Variants in MOB1B observed in about 807,000 individuals in gnomAD.
MOB1B encodes the protein MOB kinase activator 1B.
MOB1B carries 19 observed loss-of-function variants against 24.4 expected under a neutral mutation model. The ratio of observed to expected loss-of-function variants is 0.78; its 90% CI spans 0.54 to 1.14. The LOEUF is 1.14. Ranked by LOEUF, MOB1B falls within the 50% of genes most tolerant of loss-of-function variation. The pLI is 0.00. For synonymous variants in MOB1B, 76 were observed against 82.1 expected, an observed-to-expected ratio of 0.93 and a Z score of 0.40; for missense variants, 243 against 259.6, an observed-to-expected ratio of 0.94 and a Z score of 0.44.
intron 2 of MOB1B, among the ~76,000 whole-genome samples, chr4:70,962,302 A>G (rs940127996): frequency 2.0e-5 from 3 of 152,238 alleles, no homozygotes; most frequent in African/African-American, 7.2e-5. Flanking sequence ...TGATAACACT[A>G]TTTTGATGTC....
chr4:70,909,325 T>TA (rs34436062), intron 1 of MOB1B, among the ~76,000 whole-genome samples: 1 of 152,008 alleles, frequency 6.6e-6, no homozygotes, highest in South Asian at 2.1e-4. Context: ...GCCTCACCTT[T>TA]AAAAAAAGTT....
At chr4:70,937,773 G>A (rs543195149) in intron 1 of MOB1B, among the ~76,000 whole-genome samples, 1 of 152,206 alleles carries the variant, frequency 6.6e-6, no homozygotes, top group East Asian at 1.9e-4. Flanking sequence ...CCGTCTGCCT[G>A]GCTTGGCCTC....
chr4:70,905,974 G>C (rs1438724746), intron 1 of MOB1B, among the ~76,000 whole-genome samples: 1 of 152,080 alleles, frequency 6.6e-6, no homozygotes, highest in Non-Finnish European at 1.5e-5. Context: ...GGCTGAGGTG[G>C]AAGGGTCATC....
In MOB1B at chr4:70,987,352, T is replaced by G. The variant is rs936180860; in HGVS notation, c.*5295T>G. 6.6e-6 allele frequency: 1 copy of G among 152,036 alleles called. No individual in the cohort carries two copies. Among genetic ancestry groups the G allele is most frequent in the Non-Finnish European group, 1.5e-5 (1 of 67,910 alleles). 9.4% of individuals were successfully genotyped at this position (152,036 alleles called of 1,614,324 possible). A position where few individuals can be genotyped will look rare whatever the true frequency, so the allele number is the denominator to read the frequency against. ...CATCTGATTTAATATTAAATTTGTATAGGTGGGCGTTTCTTACCATTTTGC... is the reference window on the plus strand; with the variant it reads ...CATCTGATTTAATATTAAATTTGTAGAGGTGGGCGTTTCTTACCATTTTGC... On this transcript the variant is annotated 3_prime_UTR_variant, in exon 6 of 6. Transcript: ENST00000309395.
chr4:70,957,399 T>G (rs1738108250), intron 1 of MOB1B, among the ~76,000 whole-genome samples: 1 of 151,742 alleles, frequency 6.6e-6, no homozygotes, highest in Non-Finnish European at 1.5e-5. Context: ...TTGCTAGTAT[T>G]AACAGAAGAT....
intron 1 of MOB1B, among the ~76,000 whole-genome samples, chr4:70,908,176 C>T (rs1225688689): frequency 6.6e-6 from 1 of 151,624 alleles, no homozygotes; most frequent in Non-Finnish European, 1.5e-5. Context: ...CAGGCACCCA[C>T]CACCATGCCC....
chr4:70,938,656 G>C (rs1737191359), intron 1 of MOB1B, among the ~76,000 whole-genome samples: 1 of 151,802 alleles, frequency 6.6e-6, no homozygotes, highest in African/African-American at 2.4e-5. Context: ...TAAAAATCCT[G>C]TTGTATTTTT....
At chr4:70,932,278 A>G (rs770764020) in intron 1 of MOB1B, among the ~76,000 whole-genome samples, 1 of 152,176 alleles carries the variant, frequency 6.6e-6, no homozygotes, top group Non-Finnish European at 1.5e-5. Context: ...TATGATTTGC[A>G]ATCAAAATGA....
chr4:70,974,926 T>A (rs998302757), intron 3 of MOB1B, among the ~76,000 whole-genome samples: 2 of 152,154 alleles, frequency 1.3e-5, no homozygotes, highest in African/African-American at 4.8e-5. Flanking sequence ...AAAATGGACA[T>A]GTGAGGAGAG....
rs1480140563 is a variant in MOB1B at position 70,933,507 on chromosome 4, C to G, written c.15-25367C>G. ...TCATGTACGTAGTTTAATTTAGAGTCAAATAGTTCTATAGGGCTTGTAATA... is the reference window on the plus strand; with the variant it reads ...TCATGTACGTAGTTTAATTTAGAGTGAAATAGTTCTATAGGGCTTGTAATA... On this transcript the variant is annotated intron_variant, in intron 1 of 5. Transcript: ENST00000309395. 3.5e-5 allele frequency among the ~76,000 whole-genome samples: 5 copies of G among 143,910 alleles called. No individual in the cohort carries two copies. In the East Asian group the frequency reaches 1.0e-3, roughly 30 times the overall value. The allele number at this position is 143,910 out of a possible 152,430, so 94.4% of individuals were successfully genotyped here.
At chr4:70,902,786 C>G (rs985242336) in intron 1 of MOB1B, among the ~76,000 whole-genome samples, 2 of 152,156 alleles carry the variant, frequency 1.3e-5, no homozygotes, top group South Asian at 4.1e-4. Context: ...GGAGGTTCTT[C>G]CCCCCCGGCA....
intron 1 of MOB1B, among the ~76,000 whole-genome samples, chr4:70,952,257 G>T (rs932745539): frequency 1.3e-5 from 2 of 151,852 alleles, no homozygotes; most frequent in Non-Finnish European, 2.9e-5. Context: ...TCTTTAGAAA[G>T]AATAAAGTAG....
chr4:70,909,228 T>A (rs1578341292), intron 1 of MOB1B, among the ~76,000 whole-genome samples: 1 of 152,252 alleles, frequency 6.6e-6, no homozygotes, highest in Non-Finnish European at 1.5e-5. Context: ...TCTCCCTCTG[T>A]CTCTCTGTCC....
At chr4:70,910,522 G>C (rs1735939239) in intron 1 of MOB1B, among the ~76,000 whole-genome samples, 1 of 151,458 alleles carries the variant, frequency 6.6e-6, no homozygotes, top group Non-Finnish European at 1.5e-5. Context: ...GTTATTAAGG[G>C]AAGTCTTATG....
chr4:70,967,799 A>G (rs1351924328), intron 2 of MOB1B, among the ~76,000 whole-genome samples: 1 of 152,172 alleles, frequency 6.6e-6, no homozygotes, highest in Non-Finnish European at 1.5e-5. Flanking sequence ...TTCCTTTATG[A>G]TTAGTCCATT....
At chr4:70,959,070 T>C (rs1738190942) in intron 2 of MOB1B, 30 bp downstream of exon 2, 1 of 1,598,190 alleles carries the variant, frequency 6.3e-7, no homozygotes, top group Non-Finnish European at 8.6e-7. Flanking sequence ...CTCAGTAGCC[T>C]GTGAATTAGG....
At chr4:70,903,285 CT>C (rs1242245091) in intron 1 of MOB1B, among the ~76,000 whole-genome samples, 1 of 152,200 alleles carries the variant, frequency 6.6e-6, no homozygotes, top group African/African-American at 2.4e-5. Flanking sequence ...ATTAGGTCCA[CT>C]GGGGAGTTGT....
At chr4:70,941,035 CA>C (rs1461418464) in intron 1 of MOB1B, among the ~76,000 whole-genome samples, 3 of 152,132 alleles carry the variant, frequency 2.0e-5, no homozygotes, top group African/African-American at 7.2e-5. Context: ...TTTGATTAAC[CA>C]AATTTAACTG....
chr4:70,955,125 G>A (rs1737988212), intron 1 of MOB1B, among the ~76,000 whole-genome samples: 1 of 152,120 alleles, frequency 6.6e-6, no homozygotes, highest in African/African-American at 2.4e-5. Context: ...AGTTCTGGGA[G>A]GAGAATTGAT....
Sources: gnomAD v4.1 joint callset for allele counts (sites outside exome capture counted in the v4.1 genomes callset) on GRCh38, gnomAD v4.1.1 for gene constraint, MANE v1.5 for transcripts, NCBI Gene and HGNC (gene_info 2026-07-23, HGNC 2026-07-21) for gene names.